NRG3: variants seen among roughly 807,000 people sequenced by gnomAD.
NRG3 encodes pro-neuregulin-3, membrane-bound isoform.
NRG3 carries 31 observed loss-of-function variants against 66.9 expected under a neutral mutation model. The ratio of observed to expected loss-of-function variants is 0.46; its 90% confidence interval spans 0.35 to 0.63. NRG3 has a LOEUF of 0.63. Among genes scored for constraint, NRG3 ranks in the 20% least tolerant of loss-of-function variants. The pLI is 0.00. For missense variants in NRG3, 910 were observed against 878.9 expected, an observed-to-expected ratio of 1.04 and a Z score of -0.45; for synonymous variants, 393 against 359.4, an observed-to-expected ratio of 1.09 and a Z score of -1.06.
intron 2 of NRG3, among the ~76,000 whole-genome samples, chr10:82,544,989 T>A (rs900297499): frequency 6.6e-6 from 1 of 152,186 alleles, no homozygotes; most frequent in Non-Finnish European, 1.5e-5. Flanking sequence ...AATAATTAAT[T>A]TAGGAAATAA....
chr10:82,134,840 C>T (rs781588520), intron 1 of NRG3, among the ~76,000 whole-genome samples: 319 of 151,920 alleles, frequency 2.1e-3, no homozygotes, highest in Admixed American at 2.2e-3. Context: ...ATAAAAATTT[C>T]AGCCAGACAT....
intron 2 of NRG3, among the ~76,000 whole-genome samples, chr10:82,562,976 T>G (rs1186874583): frequency 2.6e-5 from 4 of 152,080 alleles, no homozygotes; most frequent in Admixed American, 2.6e-4. Context: ...CCTTCTGATA[T>G]TTGCACACAG....
At chr10:82,019,397 G>GT (rs1564742952) in intron 1 of NRG3, among the ~76,000 whole-genome samples, 1 of 151,934 alleles carries the variant, frequency 6.6e-6, no homozygotes, top group Admixed American at 6.6e-5. Context: ...CTAAAATTCT[G>GT]TTTTGTTTGT....
intron 1 of NRG3, among the ~76,000 whole-genome samples, chr10:82,156,106 G>C (rs1013754947): frequency 2.0e-5 from 3 of 151,476 alleles, no homozygotes; most frequent in Admixed American, 2.0e-4. Flanking sequence ...AGTGACTAGG[G>C]TACTTGTGCT....
chr10:82,140,947 T>G (rs1202336885), intron 1 of NRG3, among the ~76,000 whole-genome samples: 1 of 152,072 alleles, frequency 6.6e-6, no homozygotes, highest in Non-Finnish European at 1.5e-5. Flanking sequence ...TGCAAATAAA[T>G]TCTACAATTT....
At chr10:82,633,410 A>G (rs1368275303) in intron 2 of NRG3, among the ~76,000 whole-genome samples, 1 of 152,218 alleles carries the variant, frequency 6.6e-6, no homozygotes, top group Admixed American at 6.5e-5. Flanking sequence ...AAGTTGTACG[A>G]CACAGTCACA....
At chr10:82,201,394 A>G (rs904082798) in intron 1 of NRG3, among the ~76,000 whole-genome samples, 4 of 152,100 alleles carry the variant, frequency 2.6e-5, no homozygotes, top group Admixed American at 6.6e-5. Context: ...AAGGGGTTAC[A>G]TAGTGAGTTA....
At chr10:82,768,140 G>A (rs76427051) in intron 3 of NRG3, among the ~76,000 whole-genome samples, 7,860 of 152,212 alleles carry the variant, frequency 0.052, 646 homozygotes, top group African/African-American at 0.17. Flanking sequence ...GTCAAGAGTA[G>A]GAGAAATGTG....
At chr10:81,883,652 A>G (rs536699118) in intron 1 of NRG3, among the ~76,000 whole-genome samples, 30 of 152,328 alleles carry the variant, frequency 2.0e-4, no homozygotes, top group African/African-American at 7.2e-4. Flanking sequence ...TTATGGGAAT[A>G]GAATTTTTAT....
chr10:81,947,835 T>G (rs1043149292), intron 1 of NRG3, among the ~76,000 whole-genome samples: 1 of 152,068 alleles, frequency 6.6e-6, no homozygotes, highest in African/African-American at 2.4e-5. Flanking sequence ...GCTAACCCCC[T>G]CAGTGAGAAA....
chr10:82,454,283 G>T (rs2091169736), intron 2 of NRG3, among the ~76,000 whole-genome samples: 1 of 152,054 alleles, frequency 6.6e-6, no homozygotes, highest in South Asian at 2.1e-4. Flanking sequence ...TACTTTATCT[G>T]TATTAACAAT....
chr10:81,978,085 C>A (rs1015724234), intron 1 of NRG3, among the ~76,000 whole-genome samples: 1 of 152,150 alleles, frequency 6.6e-6, no homozygotes, highest in Non-Finnish European at 1.5e-5. Flanking sequence ...TCATTAAGTA[C>A]AGTCATCCTA....
At chr10:82,874,970 T>C (rs1299214545) in intron 4 of NRG3, among the ~76,000 whole-genome samples, 4 of 152,214 alleles carry the variant, frequency 2.6e-5, no homozygotes, top group African/African-American at 9.6e-5. Context: ...CTCACAATTA[T>C]CCAAGCTACA....
intron 2 of NRG3, among the ~76,000 whole-genome samples, chr10:82,434,077 A>G (rs902386882): frequency 6.6e-6 from 1 of 152,124 alleles, no homozygotes; most frequent in African/African-American, 2.4e-5. Flanking sequence ...CTTCCTATCC[A>G]TGAGGATGGA....
At position 82,369,914 on chromosome 10, in the gene NRG3, GGT is replaced by G. The variant is rs1240052032; in HGVS notation, c.953+11050_953+11051del. ...AGAGAGTTCCCTGACATATGACAGGGGTGTGGCTCACCTGTTTTTGGTCGTCC... is the reference window on the plus strand; with the variant it reads ...AGAGAGTTCCCTGACATATGACAGGGGTGGCTCACCTGTTTTTGGTCGTCC... On this transcript the variant is annotated intron_variant, in intron 2 of 8. Transcript: ENST00000372141. Among the ~76,000 whole-genome samples, 8 of 138,052 alleles carry G rather than the reference GGT, an allele frequency of 5.8e-5. 2 individuals are homozygous for G. Among genetic ancestry groups the G allele is most frequent in the Admixed American group, 2.0e-4 (3 of 14,688 alleles). The allele number at this position is 138,052 out of a possible 152,430, so 90.6% of individuals were successfully genotyped here.
intron 2 of NRG3, among the ~76,000 whole-genome samples, chr10:82,598,257 A>C (rs1475790676): frequency 4.6e-5 from 7 of 152,226 alleles, no homozygotes; most frequent in Non-Finnish European, 8.8e-5. Context: ...AAATCTATAC[A>C]TTTCTCCTCA....
chr10:82,185,834 A>T (rs923329464), intron 1 of NRG3, among the ~76,000 whole-genome samples: 1 of 152,224 alleles, frequency 6.6e-6, no homozygotes, highest in East Asian at 1.9e-4. Context: ...ATTCTAAAAA[A>T]TTAATGAAAC....
intron 1 of NRG3, among the ~76,000 whole-genome samples, chr10:81,933,755 A>G (rs963520599): frequency 2.8e-4 from 43 of 152,288 alleles, no homozygotes; most frequent in African/African-American, 1.0e-3. Flanking sequence ...TAAGCTAACT[A>G]TAAGAGTCAT....
At chr10:82,670,854 G>A (rs1340784205) in intron 2 of NRG3, among the ~76,000 whole-genome samples, 1 of 152,184 alleles carries the variant, frequency 6.6e-6, no homozygotes, top group Non-Finnish European at 1.5e-5. Context: ...AAACATGTTT[G>A]CATAGAGAGT....
Sources: gnomAD v4.1 joint callset for allele counts (sites outside exome capture counted in the v4.1 genomes callset) on GRCh38, gnomAD v4.1.1 for gene constraint, MANE v1.5 for transcripts, NCBI Gene and HGNC (gene_info 2026-07-23, HGNC 2026-07-21) for gene names.